Variants in XKR4 observed in about 807,000 individuals in gnomAD.
XKR4 encodes XK-related protein 4.
In XKR4, 12 loss-of-function variants were observed where a neutral mutation model predicts 53.9. The ratio of observed to expected loss-of-function variants is 0.22; its 90% CI spans 0.14 to 0.36. The LOEUF is 0.36. XKR4 is among the 10% of genes least tolerant of loss of function. The pLI is 1.00. For synonymous variants in XKR4, 354 were observed against 362.4 expected, an observed-to-expected ratio of 0.98 and a Z score of 0.26; for missense variants, 799 against 859.5, an observed-to-expected ratio of 0.93 and a Z score of 0.88.
At chr8:55,521,471 C>A (rs1423475125) in intron 2 of XKR4, among the ~76,000 whole-genome samples, 1 of 152,104 alleles carries the variant, frequency 6.6e-6, no homozygotes, top group Non-Finnish European at 1.5e-5. Flanking sequence ...ATTAAATTAT[C>A]AGAAACTCCT....
At chr8:55,422,664 T>C (rs558175515) in intron 2 of XKR4, among the ~76,000 whole-genome samples, 8 of 152,134 alleles carry the variant, frequency 5.3e-5, no homozygotes, top group Admixed American at 3.3e-4. Context: ...GCCAGACGGG[T>C]GGTTTATTAT....
At chr8:55,173,125 C>G (rs1015547500) in intron 1 of XKR4, among the ~76,000 whole-genome samples, 119 of 152,252 alleles carry the variant, frequency 7.8e-4, no homozygotes, top group African/African-American at 2.8e-3. Context: ...CCCCTGGGAG[C>G]TGTCCTGCCC....
chr8:55,365,520 C>T (rs946509252), intron 2 of XKR4, among the ~76,000 whole-genome samples: 1 of 152,028 alleles, frequency 6.6e-6, no homozygotes, highest in Non-Finnish European at 1.5e-5. Flanking sequence ...CCCTGACCAA[C>T]GTGGAGAAAC....
chr8:55,180,158 C>G (rs565764856), intron 1 of XKR4, among the ~76,000 whole-genome samples: 4 of 152,314 alleles, frequency 2.6e-5, no homozygotes, highest in African/African-American at 9.6e-5. Context: ...TGAAAAGATT[C>G]ATGAGTCGGA....
intron 1 of XKR4, among the ~76,000 whole-genome samples, chr8:55,130,870 A>G (rs1433944081): frequency 6.6e-6 from 1 of 152,156 alleles, no homozygotes; most frequent in Non-Finnish European, 1.5e-5. Context: ...CCTTCTTGTT[A>G]GAAATGCAGA....
At chr8:55,136,939 A>G (rs973939259) in intron 1 of XKR4, among the ~76,000 whole-genome samples, 1 of 152,240 alleles carries the variant, frequency 6.6e-6, no homozygotes, top group Non-Finnish European at 1.5e-5. Flanking sequence ...TCTTTGAGGC[A>G]TAGAGAGAGA....
At chr8:55,456,769 T>TCAA (rs754000563) in intron 2 of XKR4, among the ~76,000 whole-genome samples, 70 of 151,946 alleles carry the variant, frequency 4.6e-4, no homozygotes, top group Non-Finnish European at 7.7e-4. Flanking sequence ...AAACATAGCA[T>TCAA]CAAAGGCATG....
intron 1 of XKR4, among the ~76,000 whole-genome samples, chr8:55,169,588 A>G (rs569184145): frequency 6.6e-6 from 1 of 152,238 alleles, no homozygotes; most frequent in Non-Finnish European, 1.5e-5. Flanking sequence ...CCACAAAACC[A>G]TCATGACAGC....
chr8:55,386,887 ATCCAGATCTGATAC>A (rs1318801192), intron 2 of XKR4, among the ~76,000 whole-genome samples: 4 of 152,260 alleles, frequency 2.6e-5, no homozygotes, highest in Admixed American at 6.5e-5. Context: ...CTTCTAAAAA[ATCCAGATCTGATAC>A]ATTGTATCAT....
rs939334001 is a variant in XKR4, at chr8:55,526,673, T to C, written c.*2446T>C. ...CAGTTGAACTGTACCTTTGATTCTA[T>C]GAGTAAATCACAGATTACAGTCTAA... On this transcript the variant is annotated 3_prime_UTR_variant, in exon 3 of 3. Coordinates refer to ENST00000327381, the MANE Select transcript of XKR4 (RefSeq NM_052898.2). 6.6e-6 allele frequency: 1 copy of C among 152,228 alleles called. No homozygotes were observed. Among genetic ancestry groups the C allele is most frequent in the Non-Finnish European group, 1.5e-5 (1 of 68,038 alleles). 9.4% of individuals were successfully genotyped at this position (152,228 alleles called of 1,614,324 possible).
chr8:55,208,049 A>G (rs1275352594), intron 1 of XKR4, among the ~76,000 whole-genome samples: 1 of 152,170 alleles, frequency 6.6e-6, no homozygotes, highest in Non-Finnish European at 1.5e-5. Context: ...GTTTTTTATT[A>G]TTATGTTTAT....
At chr8:55,167,943 G>C (rs185781270) in intron 1 of XKR4, among the ~76,000 whole-genome samples, 2 of 152,242 alleles carry the variant, frequency 1.3e-5, no homozygotes, top group Admixed American at 6.5e-5. Context: ...ATTTCAAGGA[G>C]TAACCAACTG....
At chr8:55,455,255 C>CGCAGCG (rs1805549093) in intron 2 of XKR4, 1 of 179,032 alleles carries the variant, frequency 5.6e-6, no homozygotes, top group South Asian at 1.4e-4. Context: ...CCGCGGCGGC[C>CGCAGCG]GCAGCGGCTG....
At chr8:55,216,040 A>G (rs1476664541) in intron 1 of XKR4, among the ~76,000 whole-genome samples, 3 of 152,250 alleles carry the variant, frequency 2.0e-5, no homozygotes, top group Non-Finnish European at 4.4e-5. Context: ...AGAAAAATAC[A>G]TATGATGAAA....
chr8:55,319,121 T>C (rs1803166330), intron 1 of XKR4, among the ~76,000 whole-genome samples: 1 of 152,106 alleles, frequency 6.6e-6, no homozygotes, highest in Non-Finnish European at 1.5e-5. Flanking sequence ...TGACATCCTG[T>C]GAAAAAGAAA....
At chr8:55,490,599 C>T (rs1806257222) in intron 2 of XKR4, among the ~76,000 whole-genome samples, 1 of 152,110 alleles carries the variant, frequency 6.6e-6, no homozygotes, top group Admixed American at 6.5e-5. Flanking sequence ...CACTTCTCAC[C>T]CCCAAAAAAT....
At chr8:55,117,546 T>G (rs1816327712) in intron 1 of XKR4, among the ~76,000 whole-genome samples, 1 of 152,190 alleles carries the variant, frequency 6.6e-6, no homozygotes, top group African/African-American at 2.4e-5. Flanking sequence ...GCCATGCACA[T>G]TCATTCTGTT....
intron 1 of XKR4, among the ~76,000 whole-genome samples, chr8:55,326,519 G>A (rs1803297076): frequency 8.6e-6 from 1 of 115,794 alleles, no homozygotes; most frequent in Admixed American, 1.2e-4. Context: ...CACCCAGGTT[G>A]GAGTGCAGTG....
intron 2 of XKR4, among the ~76,000 whole-genome samples, chr8:55,477,418 A>G (rs1806010843): frequency 1.3e-5 from 2 of 152,150 alleles, no homozygotes; most frequent in African/African-American, 4.8e-5. Flanking sequence ...GTCAACATCA[A>G]CAAAGACCAA....
Sources: allele counts gnomAD v4.1 joint callset (sites outside exome capture counted in the v4.1 genomes callset), GRCh38; gene constraint gnomAD v4.1.1; transcripts MANE v1.5; gene names NCBI Gene and HGNC (gene_info 2026-07-23, HGNC 2026-07-21).